Variants in FNBP1 observed in about 807,000 individuals in gnomAD.
FNBP1 encodes the protein formin-binding protein 1.
A neutral mutation model predicts 90.6 loss-of-function variants in FNBP1; 26 were observed. The ratio of observed to expected loss-of-function variants is 0.29; its 90% CI spans 0.21 to 0.40. The LOEUF (loss-of-function observed/expected upper bound fraction) is 0.40, where lower values mean the gene tolerates loss of function less well. FNBP1 is among the 10% of genes least tolerant of loss of function. FNBP1 has a pLI of 1.00. For missense variants in FNBP1, 635 were observed against 768.0 expected, an observed-to-expected ratio of 0.83 and a Z score of 2.05; for synonymous variants, 260 against 265.2, an observed-to-expected ratio of 0.98 and a Z score of 0.19.
intron 1 of FNBP1, among the ~76,000 whole-genome samples, chr9:129,998,220 A>AAC (rs2054305462): frequency 7.7e-6 from 1 of 130,694 alleles, no homozygotes. Context: ...AAGAAAAAAA[A>AAC]TGGCCGGGCG....
At chr9:129,959,210 T>C (rs1308602246) in intron 4 of FNBP1, among the ~76,000 whole-genome samples, 2 of 150,742 alleles carry the variant, frequency 1.3e-5, no homozygotes, top group African/African-American at 4.9e-5. Context: ...GGTTGGAAGC[T>C]CACCTAAGCC....
intron 1 of FNBP1, among the ~76,000 whole-genome samples, chr9:129,998,187 CTCTGTCTCGAAAAAAAAAAAAAA>C (rs2054290946): frequency 1.0e-5 from 1 of 99,022 alleles, no homozygotes. Context: ...AAGACAGAGA[CTCTGTCTCGAAAAAAAAAAAAAA>C]AGAAAAAAAA....
At chr9:130,049,195 T>G in the FNBP1 span, among the ~76,000 whole-genome samples, 1 of 151,740 alleles carries the variant, frequency 6.6e-6, no homozygotes, top group African/African-American at 2.4e-5. Flanking sequence ...TCAAGACCAG[T>G]TTGAGCAACA....
At chr9:129,908,450 C>G (rs1283463325) in intron 12 of FNBP1, among the ~76,000 whole-genome samples, 1 of 151,508 alleles carries the variant, frequency 6.6e-6, no homozygotes, top group Non-Finnish European at 1.5e-5. Flanking sequence ...AGCGATCTTC[C>G]TGCCTCAGCC....
At chr9:129,929,801 ATTT>A in intron 6 of FNBP1, 106 bp from the exon 7 acceptor site, 1 of 1,006,668 alleles carries the variant, frequency 9.9e-7, no homozygotes, top group Non-Finnish European at 1.5e-6. Flanking sequence ...TAGGGGCCAG[ATTT>A]ACCTCAAATG....
chr9:129,970,246 C>T (rs1185444233), intron 4 of FNBP1, among the ~76,000 whole-genome samples: 1 of 151,386 alleles, frequency 6.6e-6, no homozygotes, highest in East Asian at 1.9e-4. Context: ...CTGTCTGTCA[C>T]CCAGGCTGGA....
chr9:129,943,927 A>G (rs1411175824), intron 6 of FNBP1, among the ~76,000 whole-genome samples: 1 of 143,672 alleles, frequency 7.0e-6, no homozygotes, highest in Non-Finnish European at 1.5e-5. Flanking sequence ...TGGGAAGCAG[A>G]GCTTGCAGTG....
In FNBP1 at chr9:129,957,742, T is replaced by C. The variant is rs573991807; in HGVS notation, c.409-278A>G. Among the ~76,000 whole-genome samples, 1 of 151,946 alleles carries C rather than the reference T, an allele frequency of 6.6e-6. No individual in the cohort carries two copies. The highest frequency in any genetic ancestry group is 2.0e-4 in the East Asian group (1 of 5,110). ...AATTTTTGCATTTTTTTGTAGAGAC[T>C]AGGTTTTGTCATGTTGCCCATGCTG... On this transcript the variant is annotated intron_variant, in intron 5 of 16. Coordinates refer to ENST00000446176, the MANE Select transcript of FNBP1 (RefSeq NM_015033.3). This position sits in a 1 kb window ranked among gnomAD's most constrained non-coding sequence, Gnocchi z 4.3.
intron 4 of FNBP1, among the ~76,000 whole-genome samples, chr9:129,971,095 G>A (rs940283152): frequency 7.3e-5 from 11 of 151,286 alleles, no homozygotes; most frequent in Non-Finnish European, 5.9e-5. Context: ...GTTTCACCAC[G>A]TTGGTCAGGC....
intron 2 of FNBP1, among the ~76,000 whole-genome samples, chr9:129,982,436 A>T (rs1047821342): frequency 2.6e-5 from 4 of 152,072 alleles, no homozygotes; most frequent in Non-Finnish European, 5.9e-5. Context: ...GTGCCACTGC[A>T]CTCCAGCCTG....
intron 1 of FNBP1, among the ~76,000 whole-genome samples, chr9:130,005,061 T>C (rs2055457879): frequency 9.5e-5 from 1 of 10,566 alleles, no homozygotes. Flanking sequence ...CAAGACTGTC[T>C]CAAAAAAAAA....
At chr9:129,927,139 G>A in intron 8 of FNBP1, 56 bp downstream of exon 8, 9 of 1,572,126 alleles carry the variant, frequency 5.7e-6, no homozygotes, top group Non-Finnish European at 7.9e-6. Context: ...AAGGGGATGG[G>A]GAGAAATAAT....
intron 1 of FNBP1, among the ~76,000 whole-genome samples, chr9:130,013,269 T>C (rs1178773295): frequency 1.3e-5 from 2 of 152,152 alleles, no homozygotes; most frequent in African/African-American, 2.4e-5. Flanking sequence ...CATGAGCTAC[T>C]GTGCCTGGCT....
upstream of FNBP1, among the ~76,000 whole-genome samples, chr9:130,046,580 C>CAAAAAAAAAAAAAAAAAA (rs56392821): frequency 3.0e-5 from 2 of 66,790 alleles, no homozygotes; most frequent in Admixed American, 2.3e-4. Context: ...ACTAAAAATA[C>CAAAAAAAAAAAAAAAAAA]AAAAAAAAAA....
At chr9:129,973,566 T>A (rs561103660) in intron 4 of FNBP1, among the ~76,000 whole-genome samples, 84 of 152,218 alleles carry the variant, frequency 5.5e-4, no homozygotes, top group African/African-American at 1.9e-3. Flanking sequence ...AGTGGCGCGA[T>A]CTCGGCTCAC....
chr9:130,006,475 CAG>C (rs906909788), intron 1 of FNBP1, among the ~76,000 whole-genome samples: 4 of 149,538 alleles, frequency 2.7e-5, no homozygotes, highest in African/African-American at 9.9e-5. Flanking sequence ...AGCCTGGTGA[CAG>C]AGTGATACTC....
At chr9:130,035,693 T>A (rs1379274455) in intron 1 of FNBP1, among the ~76,000 whole-genome samples, 6 of 152,212 alleles carry the variant, frequency 3.9e-5, no homozygotes. Context: ...ATGCCTGTAA[T>A]CCCAGCACTT....
chr9:129,955,844 C>T (rs2046860916), intron 6 of FNBP1, among the ~76,000 whole-genome samples: 2 of 130,324 alleles, frequency 1.5e-5, no homozygotes, highest in South Asian at 5.1e-4. Context: ...CGCACACACA[C>T]ACACACACAC....
chr9:129,900,645 A>C lies in FNBP1; in HGVS notation c.1429-98T>G, dbSNP rs910056561. On this transcript the variant is annotated intron_variant, in intron 13 of 16. Coordinates refer to ENST00000446176, the MANE Select transcript of FNBP1 (RefSeq NM_015033.3). This position sits in a 1 kb window ranked among gnomAD's most constrained non-coding sequence, Gnocchi z 4.1. ...AAAGGCCATCTGAGGGCCAGCCCGG[A>C]GCATCCTAAGGTCCCAAACTCAGGG... The C allele has an allele frequency of 3.2e-6, 4 of 1,251,534 alleles. No individual in the cohort carries two copies. Among genetic ancestry groups the C allele is most frequent in the Non-Finnish European group, 4.1e-6 (4 of 974,312 alleles). The allele number at this position is 1,251,534 out of a possible 1,614,324, so 77.5% of individuals were successfully genotyped here.
Sources: allele counts gnomAD v4.1 joint callset (sites outside exome capture counted in the v4.1 genomes callset), GRCh38; gene constraint gnomAD v4.1.1; non-coding constraint Gnocchi (gnomAD v3.1); transcripts MANE v1.5; gene names NCBI Gene and HGNC (gene_info 2026-07-23, HGNC 2026-07-21).